Variants in ZBTB21 observed in about 807,000 individuals in gnomAD.
The protein encoded by ZBTB21 is zinc finger and BTB domain containing 21.
ZBTB21 carries 10 observed loss-of-function variants against 39.8 expected under a neutral mutation model. The ratio of observed to expected loss-of-function variants is 0.25; its 90% CI spans 0.16 to 0.43. The LOEUF is 0.43. Ranked by LOEUF, ZBTB21 falls within the 20% of genes least tolerant of loss-of-function variation. ZBTB21 has a pLI of 1.00. For synonymous variants in ZBTB21, 551 were observed against 498.8 expected (o/e 1.10, Z -1.40); for missense variants, 1,221 against 1,296.3 (o/e 0.94, Z 0.89).
Position 41,994,012 on chromosome 21 carries a change from C to G in ZBTB21, c.84G>C (p.Gln28His). The change falls in exon 3 of 3, where the codon CAG (glutamine) becomes CAC (histidine). Residue 28 changes from glutamine to histidine, a missense_variant. Around this residue, in one of 4 missense-constraint regions of ZBTB21, gnomAD observed 108 missense variants for 155.0 expected, o/e 0.70. Coordinates refer to ENST00000310826, the MANE Select transcript of ZBTB21 (RefSeq NM_001098402.2). Reference sequence around the variant, plus strand: ...CAACAATCAGCAGCACATCACACAGCTGTCCTTTGAGACGCTCCTCATTCA... The same window carrying G: ...CAACAATCAGCAGCACATCACACAGGTGTCCTTTGAGACGCTCCTCATTCA... ...SALNEERLKG[Q>H]LCDVLLIVGD... is the part of the protein sequence containing the mutation. The G allele has an allele frequency of 6.2e-7, 1 of 1,614,256 alleles. No individual in the cohort carries two copies. The highest frequency in any genetic ancestry group is 1.7e-5 in the Admixed American group (1 of 60,024).
Position 41,991,709 on chromosome 21 carries a change from T to G in ZBTB21, c.2387A>C (p.Glu796Ala). The G allele has an allele frequency of 6.2e-7, 1 of 1,614,238 alleles. No individual in the cohort carries two copies. Among genetic ancestry groups the G allele is most frequent in the Non-Finnish European group, 8.5e-7 (1 of 1,180,042 alleles). ...SSFSIWRHQV[E>A]VHNQNNMAPT... The stretch of plus-strand genomic sequence containing the variant: ...TGCCATGTTGTTCTGATTATGGACT[T>G]CAACCTGGTGCCGCCAGATGCTGAA... Residue 796 changes from glutamate to alanine, a missense_variant, in exon 3 of 3, where the codon GAA becomes GCA. Glu to Ala is a moderately radical substitution (Grantham distance 107, BLOSUM62 -1). Coordinates refer to ENST00000310826, the MANE Select transcript of ZBTB21 (RefSeq NM_001098402.2). This position sits in a 1 kb window ranked among gnomAD's most constrained non-coding sequence, Gnocchi z 4.9.
At chr21:42,001,059 A>T (rs2065811044) in intron 2 of ZBTB21, among the ~76,000 whole-genome samples, 1 of 152,230 alleles carries the variant, frequency 6.6e-6, no homozygotes, top group South Asian at 2.1e-4. Context: ...CATCAACCAT[A>T]GGAGGTAGGT....
In ZBTB21 at chr21:41,987,111, G is replaced by A. The variant is rs966178386; in HGVS notation, c.*3784C>T. 1.3e-5 allele frequency: 2 copies of A among 152,386 alleles called. No individual in the cohort carries two copies. Among genetic ancestry groups the A allele is most frequent in the South Asian group, 2.1e-4 (1 of 4,822 alleles). The allele number at this position is 152,386 out of a possible 1,614,324, so 9.4% of individuals were successfully genotyped here. A position where few individuals can be genotyped will look rare whatever the true frequency, so the allele number is the denominator to read the frequency against. On this transcript the variant is annotated 3_prime_UTR_variant, in exon 3 of 3. Transcript: ENST00000310826. ...TCAATGGAAAACTTGAAATAGCCTT[G>A]GACTAATGTTCTGAAAACTAGTATT...
At chr21:41,994,134 A>C (rs1569107642) in intron 2 of ZBTB21, 26 bp from the exon 3 acceptor site, 1 of 1,531,642 alleles carries the variant, frequency 6.5e-7, no homozygotes, top group East Asian at 2.3e-5. Context: ...TAAAATTACT[A>C]CAGATATTGC....
rs117930262 is a variant in ZBTB21 at position 42,007,142 on chromosome 21, G to T, written c.-79+3110C>A. Among the ~76,000 whole-genome samples, 742 of 152,300 alleles carry T rather than the reference G, an allele frequency of 4.9e-3. 4 individuals are homozygous for T. The highest frequency in any genetic ancestry group is 8.5e-3 in the Admixed American group (130 of 15,310). On this transcript the variant is annotated intron_variant, in intron 1 of 2. Coordinates refer to ENST00000310826, the MANE Select transcript of ZBTB21 (RefSeq NM_001098402.2). The stretch of plus-strand genomic sequence containing the variant: ...TTGTTAGTCATTTGTGTCTCCCCAA[G>T]AGGACTGAAAGCTATTTAAAGACTG...
intron 1 of ZBTB21, chr21:42,009,226 C>T (rs796425818): frequency 1.4e-4 from 21 of 152,202 alleles, no homozygotes; most frequent in African/African-American, 4.6e-4. Flanking sequence ...ACCCCGCCTC[C>T]GAACGCGCGC....
chr21:42,004,675 C>G (rs1265023388), intron 1 of ZBTB21, among the ~76,000 whole-genome samples: 3 of 152,170 alleles, frequency 2.0e-5, no homozygotes, highest in African/African-American at 7.2e-5. Context: ...GATTTCAACT[C>G]TGGGAACATG....
chr21:42,003,896 A>G (rs1002955253), intron 1 of ZBTB21, among the ~76,000 whole-genome samples: 7 of 152,152 alleles, frequency 4.6e-5, no homozygotes, highest in Non-Finnish European at 8.8e-5. Flanking sequence ...ATTCCCTGGA[A>G]TGGCTACAAA....
At chr21:41,995,320 C>CAGGCTG (rs1252643441) in intron 2 of ZBTB21, among the ~76,000 whole-genome samples, 28 of 152,296 alleles carry the variant, frequency 1.8e-4, no homozygotes, top group African/African-American at 6.7e-4. Context: ...CAATGAAATC[C>CAGGCTG]AGGCTGAGGT....
Position 41,992,374 on chromosome 21 carries a change from G to C in ZBTB21, c.1722C>G (p.Pro574=). The stretch of plus-strand genomic sequence containing the variant: ...TCTTGTGACAGATGTCACAAGCGTA[G>C]GGCTTTTCTGGGTTATGGTACATGT... ...HVNMYHNPEK[P]YACDICHKRF... is the part of the protein sequence containing the mutation. The change falls in exon 3 of 3, where the codon CCC becomes CCG. Residue 574 remains proline, a synonymous_variant. Coordinates refer to ENST00000310826, the MANE Select transcript of ZBTB21 (RefSeq NM_001098402.2). This position sits in a 1 kb window ranked among gnomAD's most constrained non-coding sequence, Gnocchi z 4.1. 1 of 1,614,208 alleles carries C rather than the reference G, an allele frequency of 6.2e-7. No individual in the cohort carries two copies. Among genetic ancestry groups the C allele is most frequent in the Non-Finnish European group, 8.5e-7 (1 of 1,180,042 alleles).
In ZBTB21 at chr21:41,991,563, T is replaced by G. The variant is rs753781623; in HGVS notation, c.2533A>C (p.Asn845His). The change falls in exon 3 of 3, where the codon AAC (asparagine) becomes CAC (histidine). Residue 845 changes from asparagine (N) to histidine (H), a missense_variant. By Grantham distance (68) the Asn-to-His change is moderately conservative. This residue lies in a region of ZBTB21 where 523 missense variants were observed against 542.5 expected (regional missense o/e 0.96). Transcript: ENST00000310826. This position sits in a 1 kb window ranked among gnomAD's most constrained non-coding sequence, Gnocchi z 4.9. ...VNHIVTTKDD[N>H]VFSDSSEQVN... ...TGTTCTGAAGAATCACTGAACACGT[T>G]GTCGTCTTTTGTGGTGACGATGTGG... The G allele has an allele frequency of 6.2e-7, 1 of 1,614,090 alleles. No homozygotes were observed. The highest frequency in any genetic ancestry group is 1.3e-5 in the African/African-American group (1 of 74,930).
In ZBTB21 at chr21:41,991,373, A is replaced by G. The variant is rs1268338291; in HGVS notation, c.2723T>C (p.Leu908Pro). 4.4e-6 allele frequency: 7 copies of G among 1,605,890 alleles called. No individual in the cohort carries two copies. Among genetic ancestry groups the G allele is most frequent in the Non-Finnish European group, 6.0e-6 (7 of 1,175,942 alleles). ...CTTCCCACACTTCTCGCAGGGCCAC[A>G]GGCTGGCTTCTTTGCTAGGACCCGC... ...KEAGPSKEASLWPCEKCGKMF... is the reference protein window; with the variant it reads ...KEAGPSKEASPWPCEKCGKMF... The change falls in exon 3 of 3, where the codon CTG (leucine) becomes CCG (proline). Residue 908 changes from leucine to proline, a missense_variant. Around this residue, in one of 4 missense-constraint regions of ZBTB21, gnomAD observed 523 missense variants for 542.5 expected, o/e 0.96. Transcript: ENST00000310826. This position sits in a 1 kb window ranked among gnomAD's most constrained non-coding sequence, Gnocchi z 4.9.
rs1402435975 is a variant in ZBTB21, at chr21:41,987,741, T to C, written c.*3154A>G. ...TGCATGCATGTGTGTACAAACCCAA[T>C]TTGAGACAACAAAGGCCAACTTTAG... On this transcript the variant is annotated 3_prime_UTR_variant, in exon 3 of 3. Coordinates refer to ENST00000310826, the MANE Select transcript of ZBTB21 (RefSeq NM_001098402.2). The C allele has an allele frequency of 6.6e-6, 1 of 152,190 alleles. No homozygotes were observed. The highest frequency in any genetic ancestry group is 1.5e-5 in the Non-Finnish European group (1 of 68,026). The allele number at this position is 152,190 out of a possible 1,614,324, so 9.4% of individuals were successfully genotyped here. A position where few individuals can be genotyped will look rare whatever the true frequency, so the allele number is the denominator to read the frequency against.
intron 2 of ZBTB21, among the ~76,000 whole-genome samples, chr21:41,997,919 GC>G (rs967589666): frequency 9.2e-5 from 14 of 152,126 alleles, no homozygotes; most frequent in African/African-American, 3.4e-4. Flanking sequence ...TCTCGGTGTG[GC>G]AGATCCCTCA....
intron 1 of ZBTB21, chr21:42,009,605 A>G (rs1475820678): frequency 6.6e-6 from 1 of 152,418 alleles, no homozygotes; most frequent in Non-Finnish European, 1.5e-5. Flanking sequence ...GCTCTGGAGG[A>G]AAAAAAACGC....
chr21:41,993,069 A>C lies in ZBTB21; in HGVS notation c.1027T>G (p.Ser343Ala). The change falls in exon 3 of 3, where the codon TCA becomes GCA. Residue 343 changes from serine to alanine, a missense_variant. Ser to Ala is a moderately conservative substitution (Grantham distance 99, BLOSUM62 1). Coordinates refer to ENST00000310826, the MANE Select transcript of ZBTB21 (RefSeq NM_001098402.2). Reference sequence around the variant, plus strand: ...GGAACCTGGCTATCCATCGACAATGACCGTCTGAGGAGACTCTTAACAAGT... The same window carrying C: ...GGAACCTGGCTATCCATCGACAATGCCCGTCTGAGGAGACTCTTAACAAGT... ...GPLVKSLLRR[S>A]LSMDSQVPVY... 1.2e-6 allele frequency: 2 copies of C among 1,614,240 alleles called. No homozygotes were observed. The highest frequency in any genetic ancestry group is 1.7e-6 in the Non-Finnish European group (2 of 1,180,044).
chr21:42,007,316 T>C (rs1158698488), intron 1 of ZBTB21, among the ~76,000 whole-genome samples: 48 of 152,234 alleles, frequency 3.2e-4, no homozygotes, highest in Admixed American at 3.1e-3. Flanking sequence ...GTAAAGCGTA[T>C]TACATCACTG....
intron 1 of ZBTB21, among the ~76,000 whole-genome samples, chr21:42,007,041 T>C (rs1282740353): frequency 1.3e-5 from 2 of 152,266 alleles, no homozygotes; most frequent in African/African-American, 4.8e-5. Context: ...TGAATATACC[T>C]TCCTTGACTA....
intron 1 of ZBTB21, among the ~76,000 whole-genome samples, chr21:42,008,999 A>C (rs1022188492): frequency 2.0e-5 from 3 of 152,222 alleles, no homozygotes; most frequent in African/African-American, 7.2e-5. Flanking sequence ...TGTCTTCTTA[A>C]ACAAGGTATG....
Sources: gnomAD v4.1 joint callset for allele counts (sites outside exome capture counted in the v4.1 genomes callset) on GRCh38, gnomAD v4.1.1 for gene constraint, gnomAD v4.1.1 regional missense constraint, Gnocchi (gnomAD v3.1) non-coding constraint, MANE v1.5 for transcripts, NCBI Gene and HGNC (gene_info 2026-07-23, HGNC 2026-07-21) for gene names.